ALKBH1: variants seen among roughly 807,000 people sequenced by gnomAD.
ALKBH1 encodes the protein nucleic acid dioxygenase ALKBH1.
In ALKBH1, 31 loss-of-function variants were observed where a neutral mutation model predicts 36.6. The observed-to-expected ratio is 0.85, with a 90% confidence interval of 0.64 to 1.14. The LOEUF (loss-of-function observed/expected upper bound fraction) is 1.14. Ranked by LOEUF, ALKBH1 falls within the 50% of genes most tolerant of loss-of-function variation. The pLI, the probability that ALKBH1 is intolerant of heterozygous loss-of-function variation, is 0.00. For missense variants in ALKBH1, 490 were observed against 497.3 expected, an observed-to-expected ratio of 0.99 and a Z score of 0.14; for synonymous variants, 183 against 186.6, an observed-to-expected ratio of 0.98 and a Z score of 0.16.
chr14:77,707,769 C>T (rs183927472), intron 1 of ALKBH1, 53 bp downstream of exon 1: 1 of 1,539,068 alleles, frequency 6.5e-7, no homozygotes, highest in African/African-American at 1.4e-5. Context: ...GTAAGTCCCT[C>T]CAAGACGCGG....
intron 4 of ALKBH1, among the ~76,000 whole-genome samples, chr14:77,678,576 G>A (rs572283089): frequency 6.6e-6 from 1 of 150,556 alleles, no homozygotes; most frequent in East Asian, 1.9e-4. Context: ...CAAAGTAACT[G>A]GTTAGTAGGC....
rs2080310726 is a variant in ALKBH1 at position 77,693,683 on chromosome 14, C to T, written c.455+1055G>A. 2.0e-5 allele frequency among the ~76,000 whole-genome samples: 3 copies of T among 152,100 alleles called. No homozygotes were observed. The South Asian group carries it at 6.2e-4, about 32-fold the overall frequency. The stretch of plus-strand genomic sequence containing the variant: ...AAATGGACAGTGAAAGGAGGATAAC[C>T]CAATAAAAAAATCATTTTTTCAGGC... On this transcript the variant is annotated intron_variant, in intron 3 of 5. Coordinates refer to ENST00000216489, the MANE Select transcript of ALKBH1 (RefSeq NM_006020.3).
At chr14:77,701,792 T>C (rs545529515) in intron 2 of ALKBH1, among the ~76,000 whole-genome samples, 1 of 152,168 alleles carries the variant, frequency 6.6e-6, no homozygotes, top group Non-Finnish European at 1.5e-5. Context: ...AAACACAGCT[T>C]ATAATGGCAA....
At chr14:77,675,269 C>CT (rs1375451298) in intron 5 of ALKBH1, among the ~76,000 whole-genome samples, 11 of 150,022 alleles carry the variant, frequency 7.3e-5, no homozygotes, top group Non-Finnish European at 1.3e-4. Flanking sequence ...CCCATCTCTA[C>CT]TAAAAAAAAA....
At chr14:77,674,264 CACA>C in intron 5 of ALKBH1, 23 bp from the exon 6 acceptor site, 1 of 1,524,874 alleles carries the variant, frequency 6.6e-7, no homozygotes, top group Non-Finnish European at 8.8e-7. Flanking sequence ...AGTAAAAACA[CACA>C]ACAATAAAAA....
intron 2 of ALKBH1, among the ~76,000 whole-genome samples, chr14:77,700,985 C>T (rs1005050343): frequency 6.6e-6 from 1 of 152,102 alleles, no homozygotes; most frequent in African/African-American, 2.4e-5. Context: ...GTCCCAGCTA[C>T]TAGGCAGGCT....
chr14:77,673,781 G>C lies in ALKBH1; in HGVS notation c.*31C>G, dbSNP rs1442861594. ...ACATGATCATTTACGGTAAGCAGGT[G>C]CCTGAGTAAAAAGGATGGGATCTCC... is the stretch of plus-strand genomic sequence containing the variant. On this transcript the variant is annotated 3_prime_UTR_variant, in exon 6 of 6. Transcript: ENST00000216489. 6.3e-7 allele frequency: 1 copy of C among 1,587,054 alleles called. No homozygotes were observed. The highest frequency in any genetic ancestry group is 8.6e-7 in the Non-Finnish European group (1 of 1,163,752).
At chr14:77,707,777 C>G (rs752436580) in intron 1 of ALKBH1, 45 bp downstream of exon 1, 3 of 1,543,656 alleles carry the variant, frequency 1.9e-6, no homozygotes, top group Non-Finnish European at 2.6e-6. Flanking sequence ...CTCCAAGACG[C>G]GGGGCAAAGC....
rs1322051131 is a variant in ALKBH1 at position 77,675,662 on chromosome 14, G to A, written c.734C>T (p.Ser245Leu). Residue 245 changes from serine to leucine, a missense_variant, in exon 5 of 6, where the codon TCA (serine) becomes TTA (leucine). Ser to Leu is a moderately radical substitution (Grantham distance 145, BLOSUM62 -2). Coordinates refer to ENST00000216489, the MANE Select transcript of ALKBH1 (RefSeq NM_006020.3). The stretch of plus-strand genomic sequence containing the variant: ...ATCCCTGGAACTAACTCACCTGAAT[G>A]ACAGCAAGGGTTTGGAGTGATCTAG... ...SELDHSKPLL[S>L]FSFGQSAIFL... The A allele has an allele frequency of 6.3e-7, 1 of 1,597,716 alleles. No individual in the cohort carries two copies. Among genetic ancestry groups the A allele is most frequent in the Non-Finnish European group, 8.6e-7 (1 of 1,168,166 alleles).
chr14:77,675,961 AT>A lies in ALKBH1; in HGVS notation c.547-113del, dbSNP rs2080203253. The A allele has an allele frequency of 2.1e-5, 18 of 871,888 alleles. 1 individual carries two copies. In the South Asian group the frequency reaches 3.2e-4, roughly 16 times the overall value. 54.0% of individuals were successfully genotyped at this position (871,888 alleles called of 1,614,324 possible). A position where few individuals can be genotyped will look rare whatever the true frequency, so the allele number is the denominator to read the frequency against. ...ATCTTACTTACAAAGTCATATTAACATATTAACACAGCATTATCTATCCATT... is the reference window on the plus strand; with the variant it reads ...ATCTTACTTACAAAGTCATATTAACAATTAACACAGCATTATCTATCCATT... On this transcript the variant is annotated intron_variant, in intron 4 of 5. Coordinates refer to ENST00000216489, the MANE Select transcript of ALKBH1 (RefSeq NM_006020.3).
intron 2 of ALKBH1, among the ~76,000 whole-genome samples, chr14:77,699,791 C>A (rs1237533981): frequency 6.6e-6 from 1 of 152,162 alleles, no homozygotes; most frequent in Non-Finnish European, 1.5e-5. Context: ...CGCGGTGGCT[C>A]ATGCCTGTAA....
At chr14:77,694,080 A>G (rs1178116656) in intron 3 of ALKBH1, among the ~76,000 whole-genome samples, 2 of 152,334 alleles carry the variant, frequency 1.3e-5, no homozygotes, top group Non-Finnish European at 2.9e-5. Flanking sequence ...ATGCTCCCAC[A>G]GTATTTTTCT....
At chr14:77,676,981 T>C (rs376719237) in intron 4 of ALKBH1, among the ~76,000 whole-genome samples, 1 of 152,116 alleles carries the variant, frequency 6.6e-6, no homozygotes, top group African/African-American at 2.4e-5. Flanking sequence ...CTCTGTTTTT[T>C]ACACCTAAGG....
intron 3 of ALKBH1, among the ~76,000 whole-genome samples, chr14:77,691,163 AAGAAC>A (rs1267831368): frequency 1.3e-5 from 2 of 152,244 alleles, no homozygotes; most frequent in Non-Finnish European, 2.9e-5. Context: ...TTGGAAAAAA[AAGAAC>A]AGAATTGAGG....
chr14:77,674,322 A>T, intron 5 of ALKBH1, 81 bp from the exon 6 acceptor site: 1 of 1,365,748 alleles, frequency 7.3e-7, no homozygotes, highest in South Asian at 1.5e-5. Flanking sequence ...AGTTACTGCC[A>T]ACTGTGTTAT....
chr14:77,707,988 G>A lies in ALKBH1; in HGVS notation c.17C>T (p.Ala6Val), dbSNP rs868254024. Residue 6 changes from alanine (A) to valine (V), a missense_variant, in exon 1 of 6, where the codon GCG (alanine) becomes GTG (valine). By Grantham distance (64) the Ala-to-Val change is moderately conservative (BLOSUM62 0). Transcript: ENST00000216489. ...CAGAGTCGCCACAGAGCCCACGGCCGCTGCCATCTTCCCCATCTCGCGGCC... is the reference window on the plus strand; with the variant it reads ...CAGAGTCGCCACAGAGCCCACGGCCACTGCCATCTTCCCCATCTCGCGGCC... MGKMAAAVGSVATLAT... is the reference protein window; with the variant it reads MGKMAVAVGSVATLAT... 4 of 1,609,688 alleles carry A rather than the reference G, an allele frequency of 2.5e-6. No individual in the cohort carries two copies. The highest frequency in any genetic ancestry group is 2.2e-5 in the South Asian group (2 of 90,816).
At chr14:77,699,786 T>C (rs752551694) in intron 2 of ALKBH1, among the ~76,000 whole-genome samples, 4 of 152,186 alleles carry the variant, frequency 2.6e-5, no homozygotes, top group Non-Finnish European at 4.4e-5. Flanking sequence ...CTGGGCGCGG[T>C]GGCTCATGCC....
At chr14:77,702,774 G>A (rs1239873422) in intron 2 of ALKBH1, among the ~76,000 whole-genome samples, 2 of 152,058 alleles carry the variant, frequency 1.3e-5, no homozygotes, top group East Asian at 3.9e-4. Flanking sequence ...CACGATCTCG[G>A]CTCACTGCAC....
At chr14:77,697,984 G>C (rs2080337346) in intron 2 of ALKBH1, among the ~76,000 whole-genome samples, 1 of 152,130 alleles carries the variant, frequency 6.6e-6, no homozygotes, top group African/African-American at 2.4e-5. Flanking sequence ...CTGTACTCCA[G>C]CCTGGGTGAC....
Sources: allele counts gnomAD v4.1 joint callset (sites outside exome capture counted in the v4.1 genomes callset), GRCh38; gene constraint gnomAD v4.1.1; transcripts MANE v1.5; gene names NCBI Gene and HGNC (gene_info 2026-07-23, HGNC 2026-07-21).